The following MAP3K7 variants were observed in gnomAD, a reference collection of about 807,000 sequenced individuals.
The protein encoded by MAP3K7 is TGF-beta activated kinase 1.
Under a neutral mutation model 84.8 loss-of-function variants are expected in MAP3K7, and 21 were observed. That is an observed-to-expected ratio of 0.25 (90% CI 0.18 to 0.36). MAP3K7 has a LOEUF of 0.36. Among genes scored for constraint, MAP3K7 ranks in the 10% least tolerant of loss-of-function variants. The pLI, the probability that MAP3K7 is intolerant of heterozygous loss-of-function variation, is 1.00. For missense variants in MAP3K7, 503 were observed against 747.7 expected (o/e 0.67, Z 3.82); for synonymous variants, 241 against 247.7 (o/e 0.97, Z 0.25).
At chr6:90,559,881 GACA>G (rs1378216114) in intron 5 of MAP3K7, among the ~76,000 whole-genome samples, 192 bp downstream of exon 5, 1 of 152,150 alleles carries the variant, frequency 6.6e-6, no homozygotes, top group Admixed American at 6.5e-5. Context: ...TCCCACTAAA[GACA>G]ACATCTAAAA....
At chr6:90,574,172 G>T (rs547219097) in intron 1 of MAP3K7, among the ~76,000 whole-genome samples, 9 of 152,200 alleles carry the variant, frequency 5.9e-5, no homozygotes, top group African/African-American at 2.2e-4. Context: ...TACAGGATTC[G>T]TAAGTTAAAA....
In MAP3K7 at chr6:90,586,909, C is replaced by T; in HGVS notation, c.-26G>A. 6.3e-7 allele frequency: 1 copy of T among 1,595,570 alleles called. No homozygotes were observed. The highest frequency in any genetic ancestry group is 8.5e-7 in the Non-Finnish European group (1 of 1,174,054). On this transcript the variant is annotated 5_prime_UTR_variant, in exon 1 of 17. Coordinates refer to ENST00000369329, the MANE Select transcript of MAP3K7 (RefSeq NM_145331.3). ...GATCCCTCGCGGCGCCCGGTGGGGC[C>T]GGGAACGGTGCCACCCGGACAATCC...
At chr6:90,586,133 G>A (rs1351399829) in intron 1 of MAP3K7, among the ~76,000 whole-genome samples, 1 of 152,000 alleles carries the variant, frequency 6.6e-6, no homozygotes, top group East Asian at 1.9e-4. Flanking sequence ...AGCACTTTGG[G>A]AGGCCGAGGC....
At chr6:90,532,169 C>T (rs1336121956) in intron 13 of MAP3K7, among the ~76,000 whole-genome samples, 1 of 152,152 alleles carries the variant, frequency 6.6e-6, no homozygotes, top group Non-Finnish European at 1.5e-5. Context: ...TAATATCACT[C>T]AATATGCGAT....
chr6:90,556,197 A>G (rs531579252), intron 6 of MAP3K7, among the ~76,000 whole-genome samples: 23 of 152,376 alleles, frequency 1.5e-4, no homozygotes, highest in African/African-American at 5.3e-4. Context: ...GCAAATAACC[A>G]TGAAAGCACC....
chr6:90,556,967 T>C (rs1776356847), intron 5 of MAP3K7, among the ~76,000 whole-genome samples: 2 of 152,164 alleles, frequency 1.3e-5, no homozygotes, highest in African/African-American at 4.8e-5. Flanking sequence ...CATTACGGTA[T>C]CCTGAAATGG....
intron 3 of MAP3K7, among the ~76,000 whole-genome samples, chr6:90,566,268 C>T (rs1360480803): frequency 6.6e-6 from 1 of 152,186 alleles, no homozygotes; most frequent in African/African-American, 2.4e-5. Flanking sequence ...AAGAGGAAGT[C>T]AAATTGTCCG....
chr6:90,529,965 A>G (rs1353736961), intron 13 of MAP3K7, among the ~76,000 whole-genome samples: 1 of 152,244 alleles, frequency 6.6e-6, no homozygotes, highest in Non-Finnish European at 1.5e-5. Context: ...CCTTTAGTAT[A>G]TAAGAATAAC....
In MAP3K7 at chr6:90,563,627, C is replaced by T. The variant is rs567861531; in HGVS notation, c.298-1960G>A. 4.1e-4 allele frequency among the ~76,000 whole-genome samples: 62 copies of T among 152,346 alleles called. 3 individuals carry two copies. The South Asian group carries it at 0.012, about 30-fold the overall frequency. ...CCTGAAAGTGATGGAGAGAATGGAA[C>T]CAAGTTGGAAAACCCTCTTCAGGAT... On this transcript the variant is annotated intron_variant, in intron 3 of 16. Transcript: ENST00000369329.
chr6:90,568,280 T>C (rs1439884536), intron 3 of MAP3K7, among the ~76,000 whole-genome samples: 1 of 151,710 alleles, frequency 6.6e-6, no homozygotes, highest in East Asian at 1.9e-4. Context: ...AAAATAATAA[T>C]ATGGGAGCAA....
Position 90,516,295 on chromosome 6 carries a change from T to C in MAP3K7, c.*206A>G, listed in dbSNP as rs994219683. The C allele has an allele frequency of 1.4e-5, 8 of 592,306 alleles. No individual in the cohort carries two copies. In the Admixed American group the frequency reaches 2.5e-4, roughly 19 times the overall value. 36.7% of individuals were successfully genotyped at this position (592,306 alleles called of 1,614,324 possible). ...TGCTGCTCATTCAAGTCACAGATGC[T>C]ACCATGTTATGCAATGAAACAGTAA... On this transcript the variant is annotated 3_prime_UTR_variant, in exon 17 of 17. Transcript: ENST00000369329.
At position 90,515,326 on chromosome 6, in the gene MAP3K7, A is replaced by G. The variant is rs576799567; in HGVS notation, c.*1175T>C. The G allele has an allele frequency of 6.6e-6, 1 of 152,184 alleles. No homozygotes were observed. The highest frequency in any genetic ancestry group is 1.9e-4 in the East Asian group (1 of 5,186). The allele number at this position is 152,184 out of a possible 1,614,324, so 9.4% of individuals were successfully genotyped here. On this transcript the variant is annotated 3_prime_UTR_variant, in exon 17 of 17. Coordinates refer to ENST00000369329, the MANE Select transcript of MAP3K7 (RefSeq NM_145331.3). ...ATTATTTCAGTGTCATTTTATTATT[A>G]AAGTTATTCTGAAGGTTTTGGTAGC...
chr6:90,550,757 T>C (rs1017628579), intron 8 of MAP3K7: 3 of 413,982 alleles, frequency 7.2e-6, no homozygotes, highest in Non-Finnish European at 1.3e-5. Flanking sequence ...GGAGTCTAGA[T>C]AGTCTTGAAG....
intron 14 of MAP3K7, 30 bp downstream of exon 14, chr6:90,523,648 T>C: frequency 2.1e-6 from 3 of 1,436,056 alleles, no homozygotes; most frequent in Non-Finnish European, 2.9e-6. Flanking sequence ...CTGATTCAAC[T>C]TCATAAGTAT....
chr6:90,544,673 C>A (rs778358966), intron 11 of MAP3K7, 41 bp from the exon 12 acceptor site: 5 of 1,466,512 alleles, frequency 3.4e-6, no homozygotes, highest in South Asian at 2.3e-5. Context: ...CAAACAACCA[C>A]AAACAGTAAC....
rs1256982838 is a variant in MAP3K7, at chr6:90,515,575, T to C, written c.*926A>G. 2.0e-5 allele frequency: 3 copies of C among 151,862 alleles called. No homozygotes were observed. Among genetic ancestry groups the C allele is most frequent in the Non-Finnish European group, 4.4e-5 (3 of 67,886 alleles). The allele number at this position is 151,862 out of a possible 1,614,324, so 9.4% of individuals were successfully genotyped here. A position where few individuals can be genotyped will look rare whatever the true frequency, so the allele number is the denominator to read the frequency against. ...CATAAAAAGAAATCTAAGTCCAAGC[T>C]TTTTTTAGCTGGAGTAATTACTTCC... On this transcript the variant is annotated 3_prime_UTR_variant, in exon 17 of 17. Coordinates refer to ENST00000369329, the MANE Select transcript of MAP3K7 (RefSeq NM_145331.3).
intron 5 of MAP3K7, among the ~76,000 whole-genome samples, chr6:90,558,436 CAGT>C (rs1776405971): frequency 6.6e-6 from 1 of 151,994 alleles, no homozygotes; most frequent in South Asian, 2.1e-4. Flanking sequence ...TTCTTTTACC[CAGT>C]ACTTTCTGAA....
At chr6:90,540,754 A>C (rs1310452988) in intron 12 of MAP3K7, among the ~76,000 whole-genome samples, 1 of 151,970 alleles carries the variant, frequency 6.6e-6, no homozygotes, top group Non-Finnish European at 1.5e-5. Context: ...AGCATGAAAA[A>C]TAATTCGCTT....
At chr6:90,568,705 G>T in intron 2 of MAP3K7, 82 bp from the exon 3 acceptor site, 1 of 950,926 alleles carries the variant, frequency 1.1e-6, no homozygotes, top group Non-Finnish European at 1.6e-6. Context: ...TCTTACTGTT[G>T]TACAAAACAT....
Sources: gnomAD v4.1 joint callset for allele counts (sites outside exome capture counted in the v4.1 genomes callset) on GRCh38, gnomAD v4.1.1 for gene constraint, MANE v1.5 for transcripts, NCBI Gene and HGNC (gene_info 2026-07-23, HGNC 2026-07-21) for gene names.